Variants in FARP1 observed in about 807,000 individuals in gnomAD.
The protein encoded by FARP1 is FERM, ARH/RhoGEF and pleckstrin domain protein 1.
A neutral mutation model predicts 128.8 loss-of-function variants in FARP1; 52 were observed. The ratio of observed to expected loss-of-function variants is 0.40; its 90% CI spans 0.32 to 0.51. The LOEUF (loss-of-function observed/expected upper bound fraction) is 0.51, where lower values mean the gene tolerates loss of function less well. Ranked by LOEUF, FARP1 falls within the 20% of genes least tolerant of loss-of-function variation. The pLI, the probability that FARP1 is intolerant of heterozygous loss-of-function variation, is 0.45. For missense variants in FARP1, 1,333 were observed against 1,367.9 expected (o/e 0.97, Z 0.40); for synonymous variants, 580 against 551.8 (o/e 1.05, Z -0.72).
Position 98,243,564 on chromosome 13 carries a change from G to T in FARP1, c.171+30151G>T, listed in dbSNP as rs924260961. Among the ~76,000 whole-genome samples, 22 of 151,788 alleles carry T rather than the reference G, an allele frequency of 1.4e-4. 1 individual carries two copies. The highest frequency in any genetic ancestry group is 4.4e-4 in the African/African-American group (18 of 41,318). ...AAAAAAAAAATTAGCCGGGCGTGGT[G>T]GTGGGCGCCTGTAATCTCAGCTACT... On this transcript the variant is annotated intron_variant, in intron 2 of 26. Coordinates refer to ENST00000319562, the MANE Select transcript of FARP1 (RefSeq NM_005766.4).
intron 16 of FARP1, among the ~76,000 whole-genome samples, chr13:98,415,298 T>G (rs780469650): frequency 5.9e-5 from 9 of 152,250 alleles, no homozygotes; most frequent in Non-Finnish European, 1.2e-4. Flanking sequence ...GTGATCGTGA[T>G]GAATACCTTT....
At chr13:98,400,882 G>A (rs1216341374) in intron 13 of FARP1, 1 of 152,164 alleles carries the variant, frequency 6.6e-6, no homozygotes, top group Non-Finnish European at 1.5e-5. Flanking sequence ...AACAGAGCAA[G>A]TTTCTTTGAA....
intron 1 of FARP1, among the ~76,000 whole-genome samples, chr13:98,187,189 T>G (rs1878936205): frequency 6.6e-6 from 1 of 152,146 alleles, no homozygotes; most frequent in African/African-American, 2.4e-5. Flanking sequence ...ACCTGGAAAC[T>G]AATGTATCTT....
chr13:98,411,172 G>C (rs1891177460), intron 15 of FARP1, among the ~76,000 whole-genome samples: 1 of 152,192 alleles, frequency 6.6e-6, no homozygotes, highest in African/African-American at 2.4e-5. Context: ...CCTCGGAGGT[G>C]AACAGGAGAT....
chr13:98,233,929 G>C (rs1338256982), intron 2 of FARP1: 5 of 152,292 alleles, frequency 3.3e-5, no homozygotes, highest in Admixed American at 3.3e-4. Context: ...GTCAGAAATG[G>C]AAAAAGAGGA....
chr13:98,342,331 A>G (rs1311140537), intron 2 of FARP1, among the ~76,000 whole-genome samples: 1 of 152,238 alleles, frequency 6.6e-6, no homozygotes, highest in Non-Finnish European at 1.5e-5. Flanking sequence ...CAAAACTAGA[A>G]GCAACCAAAA....
intron 2 of FARP1, among the ~76,000 whole-genome samples, chr13:98,306,446 GT>G (rs1207012669): frequency 6.6e-6 from 1 of 152,282 alleles, no homozygotes; most frequent in East Asian, 1.9e-4. Flanking sequence ...CTTGAATACA[GT>G]TACAAACGAC....
Position 98,176,794 on chromosome 13 carries a change from C to T in FARP1, c.-24+33302C>T. 3 of 1,613,530 alleles carry T rather than the reference C, an allele frequency of 1.9e-6. No homozygotes were observed. Among genetic ancestry groups the T allele is most frequent in the South Asian group, 2.2e-5 (2 of 91,056 alleles). ...GTACCTCAGGTAGCTGTGGATTCCC[C>T]GGTAGATGTGGTCGTGCTCCCGACC... On this transcript the variant is annotated intron_variant, in intron 1 of 26. Coordinates refer to ENST00000319562, the MANE Select transcript of FARP1 (RefSeq NM_005766.4). This position sits in a 1 kb window ranked among gnomAD's most constrained non-coding sequence, Gnocchi z 6.2.
At chr13:98,444,967 G>A (rs1352763484) in intron 24 of FARP1, among the ~76,000 whole-genome samples, 1 of 152,204 alleles carries the variant, frequency 6.6e-6, no homozygotes, top group Non-Finnish European at 1.5e-5. Flanking sequence ...GAGGAGGATG[G>A]ATGGCTGGAG....
At chr13:98,228,311 G>T (rs181537672) in intron 2 of FARP1, among the ~76,000 whole-genome samples, 1 of 152,310 alleles carries the variant, frequency 6.6e-6, no homozygotes, top group East Asian at 1.9e-4. Flanking sequence ...CGTGAGCCAA[G>T]ATCGTGCCAT....
At position 98,409,489 on chromosome 13, in the gene FARP1, C is replaced by T. The variant is rs775860379; in HGVS notation, c.1566C>T (p.Cys522=). 60 of 1,613,270 alleles carry T rather than the reference C, an allele frequency of 3.7e-5. No individual in the cohort carries two copies. Among genetic ancestry groups the T allele is most frequent in the Non-Finnish European group, 5.0e-5 (59 of 1,179,622 alleles). Residue 522 remains cysteine, a synonymous_variant, in exon 14 of 27, where the codon TGC becomes TGT. Transcript: ENST00000319562. Reference sequence around the variant, plus strand: ...GCCCGCTGCTGAATGACCAGGCCTGCCCCCGGACGGACGATGAGGATGAGG... The same window carrying T: ...GCCCGCTGCTGAATGACCAGGCCTGTCCCCGGACGGACGATGAGGATGAGG... ...LISPLLNDQA[C]PRTDDEDEGR... is the part of the protein sequence containing the mutation.
intron 4 of FARP1, among the ~76,000 whole-genome samples, chr13:98,366,497 C>G (rs780995045): frequency 6.6e-6 from 1 of 152,136 alleles, no homozygotes; most frequent in Non-Finnish European, 1.5e-5. Context: ...TCTAGGAGAT[C>G]GACATTTGTC....
intron 2 of FARP1, among the ~76,000 whole-genome samples, chr13:98,340,300 T>TAAAAAAGAACAC (rs1469234168): frequency 2.0e-5 from 3 of 152,178 alleles, no homozygotes; most frequent in African/African-American, 7.2e-5. Flanking sequence ...CTGGAATGTG[T>TAAAAAAGAACAC]TCTTCCTTTA....
intron 1 of FARP1, among the ~76,000 whole-genome samples, chr13:98,160,927 C>G (rs1876836901): frequency 6.6e-6 from 1 of 152,100 alleles, no homozygotes; most frequent in African/African-American, 2.4e-5. Context: ...GATCCACCCG[C>G]TTAACCTCCC....
intron 2 of FARP1, among the ~76,000 whole-genome samples, chr13:98,264,846 AATC>A (rs1884029111): frequency 6.6e-6 from 1 of 152,226 alleles, no homozygotes; most frequent in Non-Finnish European, 1.5e-5. Context: ...ATTCGATAGT[AATC>A]ATTATTATTC....
In FARP1 at chr13:98,437,872, T is replaced by G. The variant is rs755793858; in HGVS notation, c.2275-932T>G. 6.3e-5 allele frequency: 99 copies of G among 1,569,886 alleles called. No homozygotes were observed. In the East Asian group the frequency reaches 2.0e-3, roughly 32 times the overall value. On this transcript the variant is annotated intron_variant, in intron 19 of 26. Coordinates refer to ENST00000319562, the MANE Select transcript of FARP1 (RefSeq NM_005766.4). ...TTATTAGTAAAGGTGAAGATGGAAT[T>G]GGGGTACTCCTTCCTAAGCTCAGAT...
rs1594552829 is a variant in FARP1, at chr13:98,446,903, A to AGAT, written c.3056+88_3056+90dup. On this transcript the variant is annotated intron_variant, in intron 26 of 26. Transcript: ENST00000319562. ...AGGATTTCTCCCAAGTCAGCGAGTGAGATGGCCCCACCCTTCCCTGCCAAC... is the reference window on the plus strand; with the variant it reads ...AGGATTTCTCCCAAGTCAGCGAGTGAGATGATGGCCCCACCCTTCCCTGCCAAC... 1.5e-5 allele frequency: 21 copies of AGAT among 1,429,252 alleles called. No homozygotes were observed. The East Asian group carries it at 4.8e-4, about 33-fold the overall frequency. The allele number at this position is 1,429,252 out of a possible 1,614,324, so 88.5% of individuals were successfully genotyped here. A position where few individuals can be genotyped will look rare whatever the true frequency, so the allele number is the denominator to read the frequency against.
intron 13 of FARP1, chr13:98,397,746 C>T (rs1486926494): frequency 6.6e-6 from 1 of 152,068 alleles, no homozygotes; most frequent in Non-Finnish European, 1.5e-5. Flanking sequence ...GCCAGGGTCA[C>T]TTCTTACCCA....
At chr13:98,445,884 C>G in intron 24 of FARP1, 1 of 518,496 alleles carries the variant, frequency 1.9e-6, no homozygotes, top group Non-Finnish European at 3.5e-6. Flanking sequence ...ACAGGGACCC[C>G]AAGATGCCCC....
Sources: gnomAD v4.1 joint callset for allele counts (sites outside exome capture counted in the v4.1 genomes callset) on GRCh38, gnomAD v4.1.1 for gene constraint, Gnocchi (gnomAD v3.1) non-coding constraint, MANE v1.5 for transcripts, NCBI Gene and HGNC (gene_info 2026-07-23, HGNC 2026-07-21) for gene names.